The following NPC1 variants were observed in gnomAD, a reference collection of about 807,000 sequenced individuals.
NPC1 encodes the protein Niemann-Pick C1 protein.
NPC1 carries 85 observed loss-of-function variants against 140.4 expected under a neutral mutation model. The ratio of observed to expected loss-of-function variants is 0.61; its 90% CI spans 0.51 to 0.72. The LOEUF (loss-of-function observed/expected upper bound fraction) is 0.72. Ranked by LOEUF, NPC1 falls within the 30% of genes least tolerant of loss-of-function variation. The probability of loss-of-function intolerance (pLI) is 0.00; values close to 1 mark genes in which losing one functional copy is unlikely to be tolerated. For synonymous variants in NPC1, 656 were observed against 624.8 expected (o/e 1.05, Z -0.74); for missense variants, 1,504 against 1,623.8 (o/e 0.93, Z 1.27).
At chr18:23,518,409 G>A (rs530588939), downstream of NPC1, among the ~76,000 whole-genome samples, 3 of 152,154 alleles carry the variant, frequency 2.0e-5, no homozygotes, top group African/African-American at 7.2e-5. Flanking sequence ...AGGGAAGATC[G>A]CCAAAGCCTA....
intron 3 of NPC1, among the ~76,000 whole-genome samples, chr18:23,515,279 G>GT (rs2145182489): frequency 6.6e-6 from 1 of 152,298 alleles, no homozygotes; most frequent in South Asian, 2.1e-4. Context: ...TAATTGCTTT[G>GT]TTAAGGGGCA....
chr18:23,507,906 G>C (rs1359477376), intron 3 of NPC1: 1 of 1,287,184 alleles, frequency 7.8e-7, no homozygotes. Flanking sequence ...TATTTTTCTT[G>C]TCTTGTAGTA....
At chr18:23,529,436 G>C, downstream of NPC1, 2 of 1,405,358 alleles carry the variant, frequency 1.4e-6, no homozygotes, top group Non-Finnish European at 1.9e-6. Context: ...AGGCCCTAGA[G>C]CTGGTAGTTT....
At chr18:23,540,760 G>A (rs1331611212) in intron 16 of NPC1, among the ~76,000 whole-genome samples, 2 of 152,060 alleles carry the variant, frequency 1.3e-5, no homozygotes, top group African/African-American at 4.8e-5. Flanking sequence ...AGTGACTTGG[G>A]GCAAACCACT....
At chr18:23,536,952 A>G in intron 20 of NPC1, 76 bp from the exon 21 acceptor site, 1 of 1,206,572 alleles carries the variant, frequency 8.3e-7, no homozygotes, top group Non-Finnish European at 1.2e-6. Context: ...CTTGAGGCTA[A>G]GCAAAATCAC....
intron 3 of NPC1, chr18:23,507,063 T>C: frequency 6.4e-7 from 1 of 1,566,152 alleles, no homozygotes; most frequent in Non-Finnish European, 8.7e-7. Flanking sequence ...TGGTAAGACT[T>C]ATCTTTAAAA....
In NPC1 at chr18:23,553,114, C is replaced by T. The variant is rs570867136; in HGVS notation, c.1554-1387G>A. Among the ~76,000 whole-genome samples the T allele has an allele frequency of 2.6e-5, 4 of 152,328 alleles. No homozygotes were observed. The East Asian group carries it at 7.7e-4, about 29-fold the overall frequency. On this transcript the variant is annotated intron_variant, in intron 9 of 24. Transcript: ENST00000269228. Reference sequence around the variant, plus strand: ...GCATAACTACAAACCAATTCAGGTCCCTGCCACCAGGAGCCTGCCACTCCC... The same window carrying T: ...GCATAACTACAAACCAATTCAGGTCTCTGCCACCAGGAGCCTGCCACTCCC...
intron 3 of NPC1, among the ~76,000 whole-genome samples, chr18:23,507,587 C>A (rs1366615472): frequency 6.6e-6 from 1 of 152,082 alleles, no homozygotes; most frequent in African/African-American, 2.4e-5. Flanking sequence ...TTCACCATTG[C>A]CGTTTGTAGA....
At chr18:23,551,778 C>T in intron 9 of NPC1, 51 bp from the exon 10 acceptor site, 5 of 1,199,160 alleles carry the variant, frequency 4.2e-6, no homozygotes, top group Non-Finnish European at 6.2e-6. Flanking sequence ...CTCAAGACAT[C>T]AGGGACCTAA....
chr18:23,564,606 A>C (rs1284556471), intron 4 of NPC1, among the ~76,000 whole-genome samples: 1 of 152,182 alleles, frequency 6.6e-6, no homozygotes, highest in Non-Finnish European at 1.5e-5. Flanking sequence ...AACAGGTGTG[A>C]GTCACTGTGC....
Position 23,541,185 on chromosome 18 carries a change from G to T in NPC1, c.2397C>A (p.Cys799Ter), listed in dbSNP as rs769196521. Residue 799 changes from cysteine to a stop codon, truncating the protein, a stop_gained, in exon 16 of 25, where the codon TGC (cysteine) becomes TGA (stop). Coordinates refer to ENST00000269228, the MANE Select transcript of NPC1 (RefSeq NM_000271.5). LOFTEE classifies it high-confidence loss of function. ...TTCCATCTTCAGCACCTCTGACACA[G>T]CAAAAGATGTCTAGCCGATTTTTCT... ...RQEKNRLDIFCCVRGAEDGTS... is the reference protein window; with the variant it reads ...RQEKNRLDIF 1 of 1,614,070 alleles carries T rather than the reference G, an allele frequency of 6.2e-7. No homozygotes were observed.
At chr18:23,516,197 G>C (rs942782668) in intron 3 of NPC1, 4 of 1,342,332 alleles carry the variant, frequency 3.0e-6, no homozygotes, top group Non-Finnish European at 4.2e-6. Context: ...GAGAGGACAT[G>C]GGGGACGGTG....
chr18:23,543,332 G>GA lies in NPC1; in HGVS notation c.2245+122dup, dbSNP rs34563465. On this transcript the variant is annotated intron_variant, in intron 14 of 24. Coordinates refer to ENST00000269228, the MANE Select transcript of NPC1 (RefSeq NM_000271.5). ...TGGCAGAGTGAGACTCCGTCTCAGA[G>GA]AAAAAAAAAAAAAAGAAAAAAAAAA... is the stretch of plus-strand genomic sequence containing the variant. 169,271 of 410,992 alleles carry GA rather than the reference G, an allele frequency of 0.41. 12,994 individuals carry two copies. Among genetic ancestry groups the GA allele is most frequent in the African/African-American group, 0.52 (16,783 of 32,078 alleles). 25.5% of individuals were successfully genotyped at this position (410,992 alleles called of 1,614,324 possible).
In NPC1 at chr18:23,544,371, G is replaced by A. The variant is rs7227375; in HGVS notation, c.2103C>T (p.Asn701=). ...PFLVLAVGVD[N]IFILVQAYQR... Reference sequence around the variant, plus strand: ...GGTAGGCCTGCACCAGAATGAAGATGTTGTCCACTCCAACAGCCAGCACCA... The same window carrying A: ...GGTAGGCCTGCACCAGAATGAAGATATTGTCCACTCCAACAGCCAGCACCA... The change falls in exon 13 of 25, where the codon AAC becomes AAT. Residue 701 remains asparagine, a synonymous_variant. Coordinates refer to ENST00000269228, the MANE Select transcript of NPC1 (RefSeq NM_000271.5). 2.1e-3 allele frequency: 3,351 copies of A among 1,614,106 alleles called. 61 individuals carry two copies. In the African/African-American group the frequency reaches 0.04, roughly 19 times the overall value.
intron 24 of NPC1, 91 bp downstream of exon 24, chr18:23,533,264 G>C: frequency 7.6e-7 from 1 of 1,309,634 alleles, no homozygotes; most frequent in Non-Finnish European, 1.1e-6. Flanking sequence ...ATTAGTATGA[G>C]TTCAAATACT....
chr18:23,550,479 C>CTTCTTTTTTTTT (rs746388624), intron 10 of NPC1, among the ~76,000 whole-genome samples: 1 of 74,920 alleles, frequency 1.3e-5, no homozygotes, highest in African/African-American at 6.5e-5. Context: ...TCTTACATTT[C>CTTCTTTTTTTTT]TTTTTTTTTT....
At chr18:23,506,844 C>G (rs2057728987) in intron 3 of NPC1, 1 of 693,980 alleles carries the variant, frequency 1.4e-6, no homozygotes, top group African/African-American at 1.8e-5. Context: ...GCTTCCGAAA[C>G]ATAATTTTAA....
chr18:23,533,364 T>C lies in NPC1; in HGVS notation c.3745A>G (p.Ser1249Gly), dbSNP rs1415921261. ...AGATGAGAACTCTTACCTATGTAAC[T>C]GAGTAAGACAGGGAGAAATATTAAT... ...HGLIFLPVLL[S>G]YIGPSVNKAK... The change falls in exon 24 of 25, where the codon AGT (serine) becomes GGT (glycine). Residue 1249 changes from serine to glycine, a missense_variant. Physicochemically the swap from Ser to Gly is moderately conservative, Grantham distance 56. Transcript: ENST00000269228. 2 of 1,613,888 alleles carry C rather than the reference T, an allele frequency of 1.2e-6. No individual in the cohort carries two copies. The highest frequency in any genetic ancestry group is 2.7e-5 in the African/African-American group (2 of 74,938).
downstream of NPC1, chr18:23,524,538 CCCAGTTGT>C: frequency 6.4e-7 from 1 of 1,570,632 alleles, no homozygotes; most frequent in Non-Finnish European, 8.8e-7. Flanking sequence ...GACTTTGGAT[CCCAGTTGT>C]AGCCAGGGAC....
Sources: gnomAD v4.1 joint callset for allele counts (sites outside exome capture counted in the v4.1 genomes callset) on GRCh38, gnomAD v4.1.1 for gene constraint, MANE v1.5 for transcripts, NCBI Gene and HGNC (gene_info 2026-07-23, HGNC 2026-07-21) for gene names.